PRELID2: variants seen among roughly 807,000 people sequenced by gnomAD.
PRELID2 encodes PRELI domain-containing protein 2.
Under a neutral mutation model 28.4 loss-of-function variants are expected in PRELID2, and 25 were observed. The observed-to-expected ratio is 0.88, with a 90% confidence interval of 0.64 to 1.23. The LOEUF (loss-of-function observed/expected upper bound fraction) is 1.23. PRELID2 is among the 50% of genes most tolerant of loss of function. PRELID2 has a pLI of 0.00. For synonymous variants in PRELID2, 76 were observed against 71.6 expected, an observed-to-expected ratio of 1.06 and a Z score of -0.31; for missense variants, 201 against 214.4, an observed-to-expected ratio of 0.94 and a Z score of 0.39.
downstream of PRELID2, among the ~76,000 whole-genome samples, chr5:145,467,165 G>A (rs1752009973): frequency 6.6e-6 from 1 of 152,074 alleles, no homozygotes; most frequent in Non-Finnish European, 1.5e-5. Flanking sequence ...TATCCCAGTG[G>A]TTATCATGAC....
At chr5:145,274,402 C>A in the PRELID2 span, among the ~76,000 whole-genome samples, 1 of 152,130 alleles carries the variant, frequency 6.6e-6, no homozygotes, top group Non-Finnish European at 1.5e-5. Context: ...CGACATTATG[C>A]ATCAGAAAAG....
chr5:145,529,160 C>T (rs1752634921), intron 1 of PRELID2, among the ~76,000 whole-genome samples: 1 of 152,172 alleles, frequency 6.6e-6, no homozygotes, highest in South Asian at 2.1e-4. Context: ...ATTGCAAATA[C>T]TGCCTTGTTC....
intron 5 of PRELID2, among the ~76,000 whole-genome samples, chr5:145,791,526 G>C (rs756337973): frequency 5.3e-5 from 8 of 152,134 alleles, no homozygotes; most frequent in Non-Finnish European, 1.0e-4. Context: ...AACTAGCCAA[G>C]TTCATAGAGA....
the PRELID2 span, among the ~76,000 whole-genome samples, chr5:145,379,112 A>C: frequency 6.6e-6 from 1 of 152,132 alleles, no homozygotes; most frequent in Non-Finnish European, 1.5e-5. Context: ...CCCAACTCCT[A>C]GACTATATGT....
At chr5:145,741,299 T>G (rs1218130687) in intron 1 of PRELID2, among the ~76,000 whole-genome samples, 9 of 100,630 alleles carry the variant, frequency 8.9e-5, no homozygotes, top group African/African-American at 3.3e-4. Context: ...ATAAATTATA[T>G]ATAAATAATT....
chr5:145,374,690 T>G, the PRELID2 span, among the ~76,000 whole-genome samples: 1 of 152,148 alleles, frequency 6.6e-6, no homozygotes, highest in Non-Finnish European at 1.5e-5. Context: ...TTTTCATTCT[T>G]TTTTCTCTAA....
intron 4 of PRELID2, among the ~76,000 whole-genome samples, chr5:145,809,073 C>G (rs1753752443): frequency 8.0e-6 from 1 of 124,436 alleles, no homozygotes; most frequent in African/African-American, 3.1e-5. Flanking sequence ...TGGTCTCTGT[C>G]ACCCAGGCTG....
At chr5:145,417,727 G>A in the PRELID2 span, among the ~76,000 whole-genome samples, 2 of 152,038 alleles carry the variant, frequency 1.3e-5, no homozygotes, top group Non-Finnish European at 2.9e-5. Flanking sequence ...CAATAAACTG[G>A]ATATTGAAGG....
At chr5:145,831,841 G>A (rs1448207066) in intron 1 of PRELID2, among the ~76,000 whole-genome samples, 1 of 152,020 alleles carries the variant, frequency 6.6e-6, no homozygotes, top group Non-Finnish European at 1.5e-5. Context: ...TATGTACCAG[G>A]TACTTTGCTA....
the PRELID2 span, among the ~76,000 whole-genome samples, chr5:145,416,063 G>A: frequency 6.6e-6 from 1 of 151,932 alleles, no homozygotes; most frequent in African/African-American, 2.4e-5. Context: ...GTGTCTTTTG[G>A]CTGCATAAAT....
Position 145,559,836 on chromosome 5 carries a change from T to TA in PRELID2, n.71-86522dup, listed in dbSNP as rs59361990. On this transcript the variant is annotated intron_variant and non_coding_transcript_variant, in intron 1 of 2. Transcript: ENST00000510259. ...ATATATTTTCCTTGGTAAAAAGAGGTAAAAAAAAAAAAAAAGAAGAAGAAG... is the reference window on the plus strand; with the variant it reads ...ATATATTTTCCTTGGTAAAAAGAGGTAAAAAAAAAAAAAAAAGAAGAAGAAG... 6.7e-3 allele frequency among the ~76,000 whole-genome samples: 960 copies of TA among 142,330 alleles called. 13 individuals carry two copies. The highest frequency in any genetic ancestry group is 0.024 in the African/African-American group (902 of 38,148). The allele number at this position is 142,330 out of a possible 152,430, so 93.4% of individuals were successfully genotyped here. A position where few individuals can be genotyped will look rare whatever the true frequency, so the allele number is the denominator to read the frequency against.
At chr5:145,440,706 A>G in the PRELID2 span, 1 of 152,104 alleles carries the variant, frequency 6.6e-6, no homozygotes, top group Non-Finnish European at 1.5e-5. Context: ...CTCTATTCTT[A>G]GAGATGAGAG....
At chr5:145,482,574 T>A (rs1261886911) in intron 1 of PRELID2, among the ~76,000 whole-genome samples, 1 of 152,164 alleles carries the variant, frequency 6.6e-6, no homozygotes, top group African/African-American at 2.4e-5. Flanking sequence ...CACCATGAAC[T>A]GGTTTTCTGG....
the PRELID2 span, among the ~76,000 whole-genome samples, chr5:145,237,796 C>T: frequency 1.3e-5 from 2 of 152,006 alleles, no homozygotes; most frequent in Non-Finnish European, 2.9e-5. Flanking sequence ...CTTATTTTTT[C>T]TCCTTGGATG....
intron 1 of PRELID2, among the ~76,000 whole-genome samples, chr5:145,702,745 C>A (rs1755439352): frequency 6.6e-6 from 1 of 152,064 alleles, no homozygotes; most frequent in Non-Finnish European, 1.5e-5. Flanking sequence ...CCAAGAAGCA[C>A]ATAGGGAAAG....
At chr5:145,360,238 T>C in the PRELID2 span, among the ~76,000 whole-genome samples, 2 of 152,062 alleles carry the variant, frequency 1.3e-5, no homozygotes, top group African/African-American at 4.8e-5. Context: ...CAAGGGTAGG[T>C]CGGCACCACC....
chr5:145,247,848 GTCAC>G, the PRELID2 span, among the ~76,000 whole-genome samples: 1 of 152,166 alleles, frequency 6.6e-6, no homozygotes, highest in East Asian at 1.9e-4. Context: ...GTTCAGATTA[GTCAC>G]TCAGTACGTT....
intron 1 of PRELID2, among the ~76,000 whole-genome samples, chr5:145,619,213 G>A (rs1231070525): frequency 1.3e-5 from 2 of 152,172 alleles, no homozygotes; most frequent in East Asian, 3.9e-4. Flanking sequence ...TTCTCCACTG[G>A]TTCAAAGTTC....
the PRELID2 span, among the ~76,000 whole-genome samples, chr5:145,441,866 TC>T: frequency 1.3e-5 from 2 of 151,992 alleles, no homozygotes; most frequent in East Asian, 1.9e-4. Flanking sequence ...AGAACCAACC[TC>T]CCCAGAAAGA....
Sources: allele counts gnomAD v4.1 joint callset (sites outside exome capture counted in the v4.1 genomes callset), GRCh38; gene constraint gnomAD v4.1.1; transcripts MANE v1.5; gene names NCBI Gene and HGNC (gene_info 2026-07-23, HGNC 2026-07-21).